PTPRG: variants seen among roughly 807,000 people sequenced by gnomAD.
PTPRG encodes protein tyrosine phosphatase receptor type G, also known as receptor-type tyrosine-protein phosphatase gamma.
Under a neutral mutation model 165.3 loss-of-function variants are expected in PTPRG, and 102 were observed. That is an observed-to-expected ratio of 0.62 (90% confidence interval 0.53 to 0.73). The LOEUF (loss-of-function observed/expected upper bound fraction) is 0.73. Ranked by LOEUF, PTPRG falls within the 30% of genes least tolerant of loss-of-function variation. The pLI, the probability that PTPRG is intolerant of heterozygous loss-of-function variation, is 0.00. For synonymous variants in PTPRG, 675 were observed against 669.5 expected, an observed-to-expected ratio of 1.01 and a Z score of -0.13; for missense variants, 1,866 against 1,861.4, an observed-to-expected ratio of 1.00 and a Z score of -0.05.
At chr3:61,781,547 A>C (rs1449922079) in intron 2 of PTPRG, among the ~76,000 whole-genome samples, 3 of 152,200 alleles carry the variant, frequency 2.0e-5, no homozygotes, top group Non-Finnish European at 4.4e-5. Context: ...TGCTTAATCT[A>C]TCATGAGTTT....
intron 12 of PTPRG, among the ~76,000 whole-genome samples, chr3:62,206,528 C>T (rs1576133778): frequency 6.6e-6 from 1 of 152,284 alleles, no homozygotes; most frequent in East Asian, 1.9e-4. Context: ...CTGTCAGCAG[C>T]CCAGGTGCCA....
At chr3:61,846,894 A>G (rs1477773288) in intron 2 of PTPRG, among the ~76,000 whole-genome samples, 1 of 151,746 alleles carries the variant, frequency 6.6e-6, no homozygotes, top group Non-Finnish European at 1.5e-5. Flanking sequence ...CAGTCTGGGT[A>G]TCAGAGCTAG....
rs559633887 is a variant in PTPRG at position 61,698,434 on chromosome 3, C to G, written c.86-50444C>G. Among the ~76,000 whole-genome samples the G allele has an allele frequency of 1.3e-5, 2 of 152,084 alleles. 1 individual carries two copies. The highest frequency in any genetic ancestry group is 4.2e-4 in the South Asian group (2 of 4,818). On this transcript the variant is annotated intron_variant, in intron 1 of 29. Transcript: ENST00000474889. ...ATAAGTGAATGGGTGTGGCTTTGTT[C>G]CAATAAAACTTTATTTACATAAACA... is the stretch of plus-strand genomic sequence containing the variant.
chr3:62,003,785 CTGTT>C (rs891477059), intron 4 of PTPRG, among the ~76,000 whole-genome samples: 112 of 152,304 alleles, frequency 7.4e-4, no homozygotes, highest in African/African-American at 2.6e-3. Context: ...TTTTCACTGT[CTGTT>C]CCCATTTTTG....
chr3:62,054,618 G>C (rs977717661), intron 4 of PTPRG, among the ~76,000 whole-genome samples: 1 of 152,172 alleles, frequency 6.6e-6, no homozygotes, highest in Non-Finnish European at 1.5e-5. Flanking sequence ...TAGCAATAGA[G>C]GTTGAGGCAG....
intron 4 of PTPRG, among the ~76,000 whole-genome samples, chr3:62,069,215 C>T (rs719194): frequency 0.7 from 106,974 of 152,144 alleles, 38,726 homozygotes; most frequent in Non-Finnish European, 0.79. Flanking sequence ...AAGCGCTTAG[C>T]GAAAATGTAT....
chr3:61,701,432 T>A (rs1480013569), intron 1 of PTPRG, among the ~76,000 whole-genome samples: 1 of 152,236 alleles, frequency 6.6e-6, no homozygotes, highest in Non-Finnish European at 1.5e-5. Context: ...TTTTCTTATT[T>A]ATGTTTCATC....
chr3:61,898,858 A>G (rs2038428426), intron 2 of PTPRG, among the ~76,000 whole-genome samples: 1 of 152,192 alleles, frequency 6.6e-6, no homozygotes, highest in African/African-American at 2.4e-5. Context: ...GGTTCTGGAA[A>G]TAAGTAACAT....
intron 9 of PTPRG, 108 bp downstream of exon 9, chr3:62,191,761 ACACT>A: frequency 8.7e-7 from 1 of 1,154,678 alleles, no homozygotes; most frequent in South Asian, 1.5e-5. Context: ...ATCTGTCCTC[ACACT>A]GTCTGGTGAA....
intron 1 of PTPRG, among the ~76,000 whole-genome samples, chr3:61,607,993 A>C (rs750029545): frequency 6.6e-6 from 1 of 151,850 alleles, no homozygotes; most frequent in Non-Finnish European, 1.5e-5. Flanking sequence ...AACTTTACCT[A>C]ATTACTTCCA....
At chr3:61,808,619 C>T (rs924950679) in intron 2 of PTPRG, among the ~76,000 whole-genome samples, 4 of 152,286 alleles carry the variant, frequency 2.6e-5, no homozygotes, top group South Asian at 2.1e-4. Context: ...CCATCCCTTT[C>T]GCAAAATCGC....
chr3:62,185,021 G>A (rs1055764293), intron 8 of PTPRG, among the ~76,000 whole-genome samples: 6 of 152,014 alleles, frequency 3.9e-5, no homozygotes, highest in Non-Finnish European at 7.4e-5. Flanking sequence ...GAAGAGGATG[G>A]GGTGGGGGTG....
chr3:61,663,150 C>T (rs1056203859), intron 1 of PTPRG, among the ~76,000 whole-genome samples: 3 of 151,906 alleles, frequency 2.0e-5, no homozygotes, highest in Admixed American at 6.6e-5. Context: ...GTCTCATAAC[C>T]CGGTCTCAAA....
At chr3:61,995,583 G>C (rs546271832) in intron 3 of PTPRG, among the ~76,000 whole-genome samples, 25 of 152,012 alleles carry the variant, frequency 1.6e-4, no homozygotes, top group African/African-American at 5.5e-4. Flanking sequence ...GTGTGTGAGG[G>C]GGGTGTGGGT....
At chr3:62,000,833 C>T (rs1172966434) in intron 3 of PTPRG, among the ~76,000 whole-genome samples, 1 of 152,216 alleles carries the variant, frequency 6.6e-6, no homozygotes, top group Non-Finnish European at 1.5e-5. Context: ...GAAATAACCA[C>T]CACTGAATAT....
At chr3:62,025,276 G>C (rs747294374) in intron 4 of PTPRG, among the ~76,000 whole-genome samples, 23 of 152,210 alleles carry the variant, frequency 1.5e-4, no homozygotes, top group Non-Finnish European at 2.8e-4. Flanking sequence ...TTTTGATGCA[G>C]ATGTGTTAAT....
intron 1 of PTPRG, among the ~76,000 whole-genome samples, chr3:61,738,291 T>TATATATATATATATAC: frequency 1.2e-5 from 1 of 81,986 alleles, no homozygotes; most frequent in South Asian, 5.1e-4. Context: ...TATATATATA[T>TATATATATATATATAC]ATATATATAT....
chr3:62,207,725 C>T (rs990218956), intron 12 of PTPRG, among the ~76,000 whole-genome samples: 1 of 152,062 alleles, frequency 6.6e-6, no homozygotes, highest in East Asian at 1.9e-4. Flanking sequence ...TTTTTAAGTC[C>T]TGTGAGTAGT....
chr3:61,657,824 G>A (rs566714903), intron 1 of PTPRG, among the ~76,000 whole-genome samples: 8 of 152,274 alleles, frequency 5.3e-5, no homozygotes, highest in South Asian at 4.1e-4. Flanking sequence ...AGAGTGCTGC[G>A]GAAGCTGGTT....
Sources: allele counts gnomAD v4.1 joint callset (sites outside exome capture counted in the v4.1 genomes callset), GRCh38; gene constraint gnomAD v4.1.1; transcripts MANE v1.5; gene names NCBI Gene and HGNC (gene_info 2026-07-23, HGNC 2026-07-21).